TOX2: variants seen among roughly 807,000 people sequenced by gnomAD.
TOX2 encodes TOX high mobility group box family member 2, also known as granulosa cell HMG box 1.
A neutral mutation model predicts 47.4 loss-of-function variants in TOX2; 15 were observed. That is an observed-to-expected ratio of 0.32 (90% CI 0.21 to 0.49). The LOEUF is 0.49. Among genes scored for constraint, TOX2 ranks in the 20% least tolerant of loss-of-function variants. TOX2 has a pLI of 0.99. For synonymous variants in TOX2, 290 were observed against 296.6 expected (o/e 0.98, Z 0.23); for missense variants, 622 against 673.1 (o/e 0.92, Z 0.84).
chr20:44,053,572 CACAT>C (rs1336097821), intron 4 of TOX2, among the ~76,000 whole-genome samples: 1 of 137,330 alleles, frequency 7.3e-6, no homozygotes, highest in Non-Finnish European at 1.6e-5. Flanking sequence ...TATATACACA[CACAT>C]ATATATACTA....
intron 2 of TOX2, among the ~76,000 whole-genome samples, chr20:43,982,521 C>T (rs1230409769): frequency 6.6e-6 from 1 of 152,064 alleles, no homozygotes; most frequent in Non-Finnish European, 1.5e-5. Context: ...ATGGCAAGGA[C>T]ACCTTATTCA....
At chr20:43,959,981 T>C (rs1439326015) in intron 1 of TOX2, among the ~76,000 whole-genome samples, 1 of 152,114 alleles carries the variant, frequency 6.6e-6, no homozygotes, top group Admixed American at 6.5e-5. Flanking sequence ...TTCCTGGGTT[T>C]GAATCTTCAT....
At chr20:44,065,151 C>G (rs1171906217) in intron 6 of TOX2, among the ~76,000 whole-genome samples, 1 of 152,174 alleles carries the variant, frequency 6.6e-6, no homozygotes, top group East Asian at 1.9e-4. Flanking sequence ...CCCAGTTTTG[C>G]CAGTTTTATG....
chr20:43,973,838 G>A (rs1034830933), intron 2 of TOX2, among the ~76,000 whole-genome samples: 3 of 152,204 alleles, frequency 2.0e-5, no homozygotes, highest in African/African-American at 7.2e-5. Context: ...GGCATGCATG[G>A]TTCTCCTGCC....
intron 1 of TOX2, among the ~76,000 whole-genome samples, chr20:43,965,778 A>G (rs776539910): frequency 1.1e-4 from 16 of 152,198 alleles, no homozygotes; most frequent in Non-Finnish European, 2.4e-4. Context: ...GGTAGAAGAC[A>G]TGGGAGGGAC....
chr20:43,991,805 G>C (rs374717050), intron 2 of TOX2, among the ~76,000 whole-genome samples: 5 of 151,936 alleles, frequency 3.3e-5, no homozygotes, highest in Non-Finnish European at 7.4e-5. Flanking sequence ...CACTATGCCC[G>C]GATCATTTTT....
At position 44,069,597 on chromosome 20, in the gene TOX2, A is replaced by C. The variant is rs542469029; in HGVS notation, c.*911A>C. On this transcript the variant is annotated 3_prime_UTR_variant, in exon 9 of 9. Transcript: ENST00000341197. Reference sequence around the variant, plus strand: ...CTTCTCTCAAATCTCTTTATAATAAAACTTCTGAAAAGCTGAAAACAAGTC... The same window carrying C: ...CTTCTCTCAAATCTCTTTATAATAACACTTCTGAAAAGCTGAAAACAAGTC... The C allele has an allele frequency of 6.5e-6, 1 of 152,696 alleles. No individual in the cohort carries two copies. Among genetic ancestry groups the C allele is most frequent in the African/African-American group, 2.4e-5 (1 of 41,530 alleles). 9.5% of individuals were successfully genotyped at this position (152,696 alleles called of 1,614,324 possible).
intron 1 of TOX2, among the ~76,000 whole-genome samples, chr20:43,936,839 C>T (rs1031314124): frequency 2.6e-5 from 4 of 152,306 alleles, no homozygotes; most frequent in East Asian, 1.9e-4. Context: ...GTGGCAGCCT[C>T]ACGGTGCCAA....
chr20:44,004,084 A>G (rs2070635355), intron 2 of TOX2, among the ~76,000 whole-genome samples: 2 of 152,138 alleles, frequency 1.3e-5, no homozygotes, highest in Non-Finnish European at 2.9e-5. Flanking sequence ...TTTTGGAGAC[A>G]TTTCATTGGA....
At chr20:43,997,479 A>G (rs2145572170) in intron 2 of TOX2, among the ~76,000 whole-genome samples, 1 of 152,304 alleles carries the variant, frequency 6.6e-6, no homozygotes, top group East Asian at 1.9e-4. Flanking sequence ...AATTAGCCTG[A>G]TACTGTATCA....
chr20:44,066,594 C>T lies in TOX2; in HGVS notation c.1357-136C>T, dbSNP rs975049707. 3.8e-5 allele frequency: 51 copies of T among 1,353,228 alleles called. 1 individual carries two copies. In the Admixed American group the frequency reaches 8.8e-4, roughly 23 times the overall value. 83.8% of individuals were successfully genotyped at this position (1,353,228 alleles called of 1,614,324 possible). ...ATTTTGAAAGGTGCTCTACTGGGAG[C>T]AAGGCAGCAGCCCTGGAGGCAGCAT... On this transcript the variant is annotated intron_variant, in intron 7 of 8. Transcript: ENST00000341197.
At chr20:43,973,747 C>T (rs546732957) in intron 2 of TOX2, among the ~76,000 whole-genome samples, 6 of 152,332 alleles carry the variant, frequency 3.9e-5, no homozygotes, top group African/African-American at 1.4e-4. Context: ...GCCTGCTGCT[C>T]TCTGGTGCCG....
chr20:43,944,880 CAG>C (rs2069444892), intron 1 of TOX2, among the ~76,000 whole-genome samples: 1 of 152,220 alleles, frequency 6.6e-6, no homozygotes, highest in Non-Finnish European at 1.5e-5. Context: ...TTCCAGCAGG[CAG>C]AGCTAGGATT....
Position 44,057,483 on chromosome 20 carries a change from A to AAAT in TOX2, c.879+2962_879+2964dup, listed in dbSNP as rs1188772679. 2.0e-5 allele frequency among the ~76,000 whole-genome samples: 3 copies of AAAT among 152,218 alleles called. No homozygotes were observed. The East Asian group carries it at 5.8e-4, about 29-fold the overall frequency. On this transcript the variant is annotated intron_variant, in intron 5 of 8. Transcript: ENST00000341197. ...CTAATAACCAAGAGAGGTAGTGAGA[A>AAAT]AATAATAGGAAATAAAAAAACCTTG...
rs2070651499 is a variant in TOX2 at position 44,004,865 on chromosome 20, A to G, written c.166-1682A>G. On this transcript the variant is annotated intron_variant, in intron 2 of 8. Coordinates refer to ENST00000341197, the MANE Select transcript of TOX2 (RefSeq NM_001098797.2). ...GTGGTTTAGGTTTCCCCCCACCTCT[A>G]TGCATATTTCTTGATTGATTTAAGA... 2.0e-5 allele frequency among the ~76,000 whole-genome samples: 3 copies of G among 152,194 alleles called. 1 individual carries two copies.
At chr20:43,956,670 G>A (rs575011116) in intron 1 of TOX2, among the ~76,000 whole-genome samples, 319 of 151,718 alleles carry the variant, frequency 2.1e-3, no homozygotes, top group African/African-American at 5.4e-3. Flanking sequence ...TTGAGTGCTC[G>A]TCCCCTGCCT....
chr20:44,011,565 G>A (rs2070778687), intron 3 of TOX2, among the ~76,000 whole-genome samples: 1 of 152,202 alleles, frequency 6.6e-6, no homozygotes, highest in Non-Finnish European at 1.5e-5. Context: ...TAAACAGCAA[G>A]GCCAGAATGC....
intron 2 of TOX2, among the ~76,000 whole-genome samples, chr20:43,980,718 A>G (rs1196432329): frequency 6.6e-6 from 1 of 152,228 alleles, no homozygotes; most frequent in East Asian, 1.9e-4. Flanking sequence ...CCATAAAGGC[A>G]CCAGCAAAAC....
rs545699988 is a variant in TOX2 at position 44,012,054 on chromosome 20, C to T, written c.411+5262C>T. Among the ~76,000 whole-genome samples the T allele has an allele frequency of 3.3e-5, 5 of 152,304 alleles. No homozygotes were observed. In the Middle Eastern group the frequency reaches 0.01, roughly 311 times the overall value. ...ATTTAGTATGAAAGATATATTTTGC[C>T]GGTTTAATTTAAAGTGCTGCACCTC... On this transcript the variant is annotated intron_variant, in intron 3 of 8. Coordinates refer to ENST00000341197, the MANE Select transcript of TOX2 (RefSeq NM_001098797.2).
Sources: gnomAD v4.1 joint callset for allele counts (sites outside exome capture counted in the v4.1 genomes callset) on GRCh38, gnomAD v4.1.1 for gene constraint, MANE v1.5 for transcripts, NCBI Gene and HGNC (gene_info 2026-07-23, HGNC 2026-07-21) for gene names.